AFG2A: variants seen among roughly 807,000 people sequenced by gnomAD.
The protein encoded by AFG2A is AAA ATPase AFG2A.
At chr4:122,968,602 C>T in the AFG2A span, among the ~76,000 whole-genome samples, 124,701 of 152,210 alleles carry the variant, frequency 0.82, 52,577 homozygotes, top group East Asian at 0.96. Context: ...TTGCTGAATT[C>T]GATTGTTTAA....
At chr4:123,159,360 G>A in the AFG2A span, among the ~76,000 whole-genome samples, 2 of 152,154 alleles carry the variant, frequency 1.3e-5, no homozygotes, top group Non-Finnish European at 2.9e-5. Flanking sequence ...AGTTGGGGGA[G>A]TATTTAGGAC....
At chr4:123,191,740 T>G in the AFG2A span, among the ~76,000 whole-genome samples, 4 of 152,168 alleles carry the variant, frequency 2.6e-5, no homozygotes, top group Admixed American at 1.3e-4. Context: ...CCTATAACTT[T>G]AACAACACCC....
At chr4:123,220,463 A>T in the AFG2A span, among the ~76,000 whole-genome samples, 3 of 151,346 alleles carry the variant, frequency 2.0e-5, no homozygotes, top group South Asian at 6.3e-4. Flanking sequence ...TAGAAAAAAA[A>T]ATTAGCTGGG....
chr4:123,049,198 C>T, the AFG2A span, among the ~76,000 whole-genome samples: 2 of 152,038 alleles, frequency 1.3e-5, no homozygotes, highest in East Asian at 1.9e-4. Flanking sequence ...TCCTTGCATC[C>T]CTGGGATGAA....
the AFG2A span, among the ~76,000 whole-genome samples, chr4:123,114,357 C>G: frequency 6.6e-6 from 1 of 152,208 alleles, no homozygotes; most frequent in Non-Finnish European, 1.5e-5. Flanking sequence ...AGGAACCTGT[C>G]TGCATCCTGC....
the AFG2A span, among the ~76,000 whole-genome samples, chr4:122,965,319 A>G: frequency 1.3e-5 from 2 of 152,196 alleles, no homozygotes; most frequent in Non-Finnish European, 2.9e-5. Flanking sequence ...TGGGGACAAG[A>G]TGATGTTTGT....
chr4:123,129,878 T>C, the AFG2A span, among the ~76,000 whole-genome samples: 1 of 151,806 alleles, frequency 6.6e-6, no homozygotes, highest in Non-Finnish European at 1.5e-5. Context: ...CTAAATTATA[T>C]ATATAATTAT....
At chr4:123,156,334 G>T in the AFG2A span, among the ~76,000 whole-genome samples, 2 of 152,094 alleles carry the variant, frequency 1.3e-5, no homozygotes, top group South Asian at 4.1e-4. Context: ...AAAAGATGGG[G>T]TCTAGGCTTC....
At chr4:122,982,015 C>G in the AFG2A span, among the ~76,000 whole-genome samples, 1 of 151,816 alleles carries the variant, frequency 6.6e-6, no homozygotes, top group Non-Finnish European at 1.5e-5. Flanking sequence ...CCTAATTTCC[C>G]TGGCTATGAC....
the AFG2A span, among the ~76,000 whole-genome samples, chr4:123,246,221 A>G: frequency 6.6e-6 from 1 of 152,250 alleles, no homozygotes; most frequent in Admixed American, 6.5e-5. Context: ...TCTAATAATA[A>G]GTTGAAAACA....
chr4:122,991,747 T>C, the AFG2A span, among the ~76,000 whole-genome samples: 2 of 152,200 alleles, frequency 1.3e-5, no homozygotes, highest in African/African-American at 4.8e-5. Context: ...TTTTCAAATT[T>C]ACTATTGAAT....
the AFG2A span, among the ~76,000 whole-genome samples, chr4:123,032,278 T>C: frequency 4.8e-3 from 736 of 152,342 alleles, 9 homozygotes; most frequent in African/African-American, 0.017. Flanking sequence ...TTCAAAGTAG[T>C]GCACAATTCA....
chr4:123,212,360 T>C, the AFG2A span, among the ~76,000 whole-genome samples: 15 of 152,318 alleles, frequency 9.8e-5, no homozygotes. Flanking sequence ...ATCATTTTCT[T>C]GTCTTAACTG....
the AFG2A span, chr4:122,934,151 C>A: frequency 6.2e-7 from 1 of 1,613,966 alleles, no homozygotes; most frequent in South Asian, 1.1e-5. Flanking sequence ...TATGGACGAC[C>A]GTACAAGCTG....
the AFG2A span, among the ~76,000 whole-genome samples, chr4:123,139,606 A>C: frequency 3.3e-5 from 5 of 152,084 alleles, no homozygotes; most frequent in African/African-American, 1.2e-4. Context: ...CATATTAGTG[A>C]ATTAAGATAC....
At chr4:123,041,167 GT>G in the AFG2A span, among the ~76,000 whole-genome samples, 4 of 151,520 alleles carry the variant, frequency 2.6e-5, no homozygotes, top group East Asian at 7.8e-4. Context: ...CTGGAGTGCA[GT>G]GGTGCAATCT....
the AFG2A span, among the ~76,000 whole-genome samples, chr4:123,143,217 C>T: frequency 2.6e-4 from 40 of 151,892 alleles, no homozygotes; most frequent in African/African-American, 7.0e-4. Context: ...GATACACACC[C>T]GACTTTAGCA....
At chr4:123,150,822 G>A in the AFG2A span, among the ~76,000 whole-genome samples, 2 of 152,080 alleles carry the variant, frequency 1.3e-5, no homozygotes, top group African/African-American at 2.4e-5. Context: ...ACAATCCTAA[G>A]CAAAAAGAAC....
At chr4:123,174,787 A>G in the AFG2A span, among the ~76,000 whole-genome samples, 1 of 151,156 alleles carries the variant, frequency 6.6e-6, no homozygotes, top group Admixed American at 6.6e-5. Flanking sequence ...CTAATAGAAG[A>G]AAATGTAAGA....
Sources: allele counts gnomAD v4.1 joint callset (sites outside exome capture counted in the v4.1 genomes callset), GRCh38; gene constraint gnomAD v4.1.1; transcripts MANE v1.5; gene names NCBI Gene and HGNC (gene_info 2026-07-23, HGNC 2026-07-21).